ALOX12B: variants seen among roughly 807,000 people sequenced by gnomAD.
ALOX12B encodes the protein arachidonate 12-lipoxygenase, 12R type, also known as arachidonate 12-lipoxygenase, 12R-type.
Under a neutral mutation model 78.9 loss-of-function variants are expected in ALOX12B, and 47 were observed. That is an observed-to-expected ratio of 0.60 (90% CI 0.47 to 0.76). The LOEUF (loss-of-function observed/expected upper bound fraction) is 0.76. Ranked by LOEUF, ALOX12B falls within the 30% of genes least tolerant of loss-of-function variation. ALOX12B has a pLI of 0.00. For synonymous variants in ALOX12B, 370 were observed against 374.5 expected (o/e 0.99, Z 0.14); for missense variants, 805 against 922.6 (o/e 0.87, Z 1.65).
Position 8,081,098 on chromosome 17 carries a change from C to A in ALOX12B, c.434+8G>T. On this transcript the variant is annotated splice_region_variant and intron_variant, in intron 3 of 14. Coordinates refer to ENST00000647874, the MANE Select transcript of ALOX12B (RefSeq NM_001139.3). ...CGGGCGCCCAGACTCTGCCACCCGC[C>A]CCCTCACTGGTAGAAGTCCTGCTTG... The A allele has an allele frequency of 6.2e-7, 1 of 1,613,772 alleles. No individual in the cohort carries two copies. The highest frequency in any genetic ancestry group is 1.6e-4 in the Middle Eastern group (1 of 6,062).
intron 12 of ALOX12B, 115 bp downstream of exon 12, chr17:8,075,480 T>C: frequency 6.4e-7 from 1 of 1,553,302 alleles, no homozygotes; most frequent in Non-Finnish European, 8.8e-7. Flanking sequence ...TTTGGTCTCC[T>C]TCAGTCTACA....
Position 8,079,224 on chromosome 17 carries a change from T to G in ALOX12B, c.1071+172A>C, listed in dbSNP as rs1271185953. On this transcript the variant is annotated intron_variant, in intron 8 of 14. Coordinates refer to ENST00000647874, the MANE Select transcript of ALOX12B (RefSeq NM_001139.3). This position sits in a 1 kb window ranked among gnomAD's most constrained non-coding sequence, Gnocchi z 6.4. ...ACTGGGACATTTTATATAAGAAACT[T>G]GAGCATCTGCAGATTTTGGCATCCC... Among the ~76,000 whole-genome samples, 2 of 152,110 alleles carry G rather than the reference T, an allele frequency of 1.3e-5. No individual in the cohort carries two copies. Among genetic ancestry groups the G allele is most frequent in the Admixed American group, 1.3e-4 (2 of 15,280 alleles).
Position 8,081,103 on chromosome 17 carries a change from C to T in ALOX12B, c.434+3G>A, listed in dbSNP as rs755115666. On this transcript the variant is annotated splice_donor_region_variant and intron_variant, in intron 3 of 14. Coordinates refer to ENST00000647874, the MANE Select transcript of ALOX12B (RefSeq NM_001139.3). ...GCCCAGACTCTGCCACCCGCCCCCT[C>T]ACTGGTAGAAGTCCTGCTTGGCTCT... is the stretch of plus-strand genomic sequence containing the variant. 23 of 1,613,790 alleles carry T rather than the reference C, an allele frequency of 1.4e-5. No individual in the cohort carries two copies. Among genetic ancestry groups the T allele is most frequent in the Non-Finnish European group, 1.9e-5 (22 of 1,180,002 alleles).
intron 2 of ALOX12B, among the ~76,000 whole-genome samples, chr17:8,083,370 T>C (rs1298717324): frequency 6.6e-6 from 1 of 152,188 alleles, no homozygotes; most frequent in East Asian, 1.9e-4. Flanking sequence ...ATGTATTACG[T>C]GGGGACAAGG....
rs1977060297 is a variant in ALOX12B, at chr17:8,075,554, GTCCCAGCTCCCCCTGATTGCCCAGGTGT to G, written c.1654+13_1654+40del. ...AGACCTGCCTGGGGGCTGCCCCTCA[GTCCCAGCTCCCCCTGATTGCCCAGGTGT>G]CCAGGCCCATACCTGAGCTCTCCCG... On this transcript the variant is annotated intron_variant, in intron 12 of 14. Coordinates refer to ENST00000647874, the MANE Select transcript of ALOX12B (RefSeq NM_001139.3). 1 of 1,613,078 alleles carries G rather than the reference GTCCCAGCTCCCCCTGATTGCCCAGGTGT, an allele frequency of 6.2e-7. No homozygotes were observed. The highest frequency in any genetic ancestry group is 1.3e-5 in the African/African-American group (1 of 74,892).
intron 1 of ALOX12B, among the ~76,000 whole-genome samples, chr17:8,086,780 A>G (rs930367047): frequency 1.3e-5 from 2 of 152,182 alleles, no homozygotes; most frequent in African/African-American, 4.8e-5. Flanking sequence ...AATGTGAGAC[A>G]GTTAGGAGGC....
intron 1 of ALOX12B, among the ~76,000 whole-genome samples, chr17:8,086,655 G>A (rs1157991075): frequency 3.9e-5 from 6 of 152,204 alleles, no homozygotes; most frequent in Non-Finnish European, 8.8e-5. Context: ...TATTAAGGTC[G>A]CCTAGCAGCA....
At position 8,080,541 on chromosome 17, in the gene ALOX12B, T is replaced by A. The variant is rs761965035; in HGVS notation, c.650+117A>T. 2.6e-6 allele frequency: 4 copies of A among 1,533,838 alleles called. No homozygotes were observed. In the South Asian group the frequency reaches 3.4e-5, roughly 13 times the overall value. On this transcript the variant is annotated intron_variant, in intron 5 of 14. Coordinates refer to ENST00000647874, the MANE Select transcript of ALOX12B (RefSeq NM_001139.3). This position sits in a 1 kb window ranked among gnomAD's most constrained non-coding sequence, Gnocchi z 4.8. ...AGGTTTTCTGGGTCTGCGTTTCAGCTCCCTCTGCCTTCCTGGCCATTCCAA... is the reference window on the plus strand; with the variant it reads ...AGGTTTTCTGGGTCTGCGTTTCAGCACCCTCTGCCTTCCTGGCCATTCCAA...
chr17:8,080,067 C>A lies in ALOX12B; in HGVS notation c.755-126G>T, dbSNP rs770251375. 1.3e-6 allele frequency: 2 copies of A among 1,503,976 alleles called. No individual in the cohort carries two copies. Among genetic ancestry groups the A allele is most frequent in the Non-Finnish European group, 1.8e-6 (2 of 1,093,626 alleles). The allele number at this position is 1,503,976 out of a possible 1,614,324, so 93.2% of individuals were successfully genotyped here. On this transcript the variant is annotated intron_variant, in intron 6 of 14. Transcript: ENST00000647874. This position sits in a 1 kb window ranked among gnomAD's most constrained non-coding sequence, Gnocchi z 4.8. ...GAGGAAAACGAGGCCCCCAGCCTGG[C>A]GCTGAGCGGCCGGAGGAGCCCGGTG...
intron 14 of ALOX12B, 72 bp downstream of exon 14, chr17:8,073,076 G>A (rs1264730836): frequency 7.5e-6 from 12 of 1,608,204 alleles, no homozygotes; most frequent in Middle Eastern, 1.7e-4. Context: ...TCTTGACGCC[G>A]CTAGTTATCC....
At chr17:8,073,417 C>G in intron 13 of ALOX12B, 99 bp from the exon 14 acceptor site, 1 of 1,527,340 alleles carries the variant, frequency 6.5e-7, no homozygotes, top group Non-Finnish European at 9.0e-7. Flanking sequence ...CTGAGATGGA[C>G]TCCCCGCCCT....
chr17:8,073,798 C>T (rs1441517679), intron 12 of ALOX12B, 41 bp from the exon 13 acceptor site: 1 of 1,535,380 alleles, frequency 6.5e-7, no homozygotes, highest in Admixed American at 1.7e-5. Context: ...TCAGTCGTGC[C>T]CTGGTACTGG....
chr17:8,073,543 A>G (rs1313838504), intron 13 of ALOX12B, 114 bp downstream of exon 13: 2 of 1,132,314 alleles, frequency 1.8e-6, no homozygotes, highest in East Asian at 5.1e-5. Context: ...AAGCTGGAAC[A>G]AGTTGAGGCT....
At position 8,076,032 on chromosome 17, in the gene ALOX12B, C is replaced by T. The variant is rs535885882; in HGVS notation, c.1532+143G>A. ...GGGCTGAGGGTGTAGGTGTGATGGACACACAGACCCCAGGCCCCTTCCCCA... is the reference window on the plus strand; with the variant it reads ...GGGCTGAGGGTGTAGGTGTGATGGATACACAGACCCCAGGCCCCTTCCCCA... On this transcript the variant is annotated intron_variant, in intron 11 of 14. Transcript: ENST00000647874. 4.9e-5 allele frequency: 56 copies of T among 1,141,082 alleles called. No homozygotes were observed. The Middle Eastern group carries it at 7.9e-4, about 16-fold the overall frequency. The allele number at this position is 1,141,082 out of a possible 1,614,324, so 70.7% of individuals were successfully genotyped here.
At chr17:8,086,315 C>T in intron 1 of ALOX12B, 95 bp from the exon 2 acceptor site, 1 of 1,231,752 alleles carries the variant, frequency 8.1e-7, no homozygotes, top group Non-Finnish European at 1.2e-6. Flanking sequence ...CCTGCTCATG[C>T]TGCGCAATGC....
Position 8,079,531 on chromosome 17 carries a change from G to A in ALOX12B, c.936C>T (p.Asn312=). The change falls in exon 8 of 15, where the codon AAC becomes AAT. Residue 312 remains asparagine, a synonymous_variant. Transcript: ENST00000647874. This position sits in a 1 kb window ranked among gnomAD's most constrained non-coding sequence, Gnocchi z 6.4. ...TCLQAELEKG[N]IYLADYRIME... ...TGATGCGGTAGTCGGCCAGGTAAAT[G>A]TTCCCCTTCTGGAGGGGAGCCGCGA... 1.3e-6 allele frequency: 2 copies of A among 1,550,672 alleles called. No individual in the cohort carries two copies. The highest frequency in any genetic ancestry group is 1.7e-6 in the Non-Finnish European group (2 of 1,146,944).
rs1024738119 is a variant in ALOX12B at position 8,081,581 on chromosome 17, C to T, written c.353-394G>A. ...TACCCATTAAGTAATTTCTCATCAT[C>T]CACCCCCTCCCATCCTCTCACCCTT... On this transcript the variant is annotated intron_variant, in intron 2 of 14. Transcript: ENST00000647874. 1.3e-5 allele frequency: 4 copies of T among 299,768 alleles called. No individual in the cohort carries two copies. The Admixed American group carries it at 1.3e-4, about 10-fold the overall frequency. The allele number at this position is 299,768 out of a possible 1,614,324, so 18.6% of individuals were successfully genotyped here. A position where few individuals can be genotyped will look rare whatever the true frequency, so the allele number is the denominator to read the frequency against.
At chr17:8,078,115 T>TTTTATTTATTTA (rs200983287) in intron 8 of ALOX12B, among the ~76,000 whole-genome samples, 10 of 143,168 alleles carry the variant, frequency 7.0e-5, no homozygotes, top group Non-Finnish European at 9.2e-5. Flanking sequence ...TTTTATTTCA[T>TTTTATTTATTTA]TTTATTTATT....
chr17:8,073,468 G>A, intron 13 of ALOX12B, 150 bp from the exon 14 acceptor site: 2 of 1,149,294 alleles, frequency 1.7e-6, no homozygotes, highest in East Asian at 2.5e-5. Context: ...CTGGGGGTGG[G>A]GCTGGGTGTG....
Sources: gnomAD v4.1 joint callset for allele counts (sites outside exome capture counted in the v4.1 genomes callset) on GRCh38, gnomAD v4.1.1 for gene constraint, Gnocchi (gnomAD v3.1) non-coding constraint, MANE v1.5 for transcripts, NCBI Gene and HGNC (gene_info 2026-07-23, HGNC 2026-07-21) for gene names.